Variants in VTI1A observed in about 807,000 individuals in gnomAD.
VTI1A encodes the protein vesicle transport through interaction with t-SNAREs 1A, also known as vesicle transport through interaction with t-SNAREs homolog 1A.
A neutral mutation model predicts 34.9 loss-of-function variants in VTI1A; 22 were observed. The observed-to-expected ratio is 0.63, with a 90% CI of 0.45 to 0.90. The LOEUF (loss-of-function observed/expected upper bound fraction) is 0.90, where lower values mean the gene tolerates loss of function less well. Among genes scored for constraint, VTI1A ranks in the 40% least tolerant of loss-of-function variants. The pLI, the probability that VTI1A is intolerant of heterozygous loss-of-function variation, is 0.00. For missense variants in VTI1A, 268 were observed against 275.6 expected (o/e 0.97, Z 0.20); for synonymous variants, 87 against 97.3 (o/e 0.89, Z 0.62).
At chr10:112,462,241 A>G (rs537398229) in intron 2 of VTI1A, among the ~76,000 whole-genome samples, 2 of 152,310 alleles carry the variant, frequency 1.3e-5, no homozygotes, top group Non-Finnish European at 2.9e-5. Flanking sequence ...TCTGATTTGT[A>G]TTAGTCTCTT....
At chr10:112,460,211 C>T (rs573047214) in intron 1 of VTI1A, among the ~76,000 whole-genome samples, 11 of 152,112 alleles carry the variant, frequency 7.2e-5, no homozygotes, top group Non-Finnish European at 1.5e-4. Context: ...TTCCTTAGGC[C>T]AGCACAAATC....
At chr10:112,803,104 T>C (rs1416318556) in intron 7 of VTI1A, among the ~76,000 whole-genome samples, 1 of 152,224 alleles carries the variant, frequency 6.6e-6, no homozygotes, top group Non-Finnish European at 1.5e-5. Context: ...GTTTCGCTCT[T>C]GTTGCCCAGG....
chr10:112,711,371 A>G (rs771123009), intron 7 of VTI1A, among the ~76,000 whole-genome samples: 1 of 152,206 alleles, frequency 6.6e-6, no homozygotes, highest in Non-Finnish European at 1.5e-5. Flanking sequence ...TTCAGGGGCC[A>G]TGTCAGTGTA....
At chr10:112,537,000 A>G in intron 4 of VTI1A, among the ~76,000 whole-genome samples, 1 of 152,026 alleles carries the variant, frequency 6.6e-6, no homozygotes. Context: ...GCATGTCAAT[A>G]CAGCTTGCAT....
intron 7 of VTI1A, among the ~76,000 whole-genome samples, chr10:112,786,246 A>C (rs1852283527): frequency 1.3e-5 from 2 of 152,126 alleles, no homozygotes; most frequent in South Asian, 4.1e-4. Flanking sequence ...TCATTTGCAG[A>C]CTATTTGTGG....
intron 5 of VTI1A, among the ~76,000 whole-genome samples, chr10:112,544,698 C>G (rs1851009350): frequency 6.6e-6 from 1 of 151,958 alleles, no homozygotes; most frequent in Non-Finnish European, 1.5e-5. Context: ...AGGGAAGAAC[C>G]CTGTAAACTG....
At position 112,673,468 on chromosome 10, in the gene VTI1A, G is replaced by GCGCGCACACACA. The variant is rs1554938762; in HGVS notation, c.560+4471_560+4472insGCGCACACACAC. Among the ~76,000 whole-genome samples the GCGCGCACACACA allele has an allele frequency of 4.8e-3, 721 of 151,660 alleles. 5 individuals are homozygous for GCGCGCACACACA. The highest frequency in any genetic ancestry group is 0.015 in the African/African-American group (633 of 41,436). On this transcript the variant is annotated intron_variant, in intron 7 of 7. Transcript: ENST00000393077. Reference sequence around the variant, plus strand: ...TTCACACACATGCGCGCGTGCGCGCGCACACACACACACACGCACTCAGAT... The same window carrying GCGCGCACACACA: ...TTCACACACATGCGCGCGTGCGCGCGCGCGCACACACACACACACACACACACGCACTCAGAT...
rs1238793497 is a variant in VTI1A, at chr10:112,447,222, C to CAGGA, written c.-149_-146dup. 2.9e-6 allele frequency: 2 copies of CAGGA among 695,556 alleles called. No homozygotes were observed. Among genetic ancestry groups the CAGGA allele is most frequent in the African/African-American group, 1.8e-5 (1 of 56,166 alleles). The allele number at this position is 695,556 out of a possible 1,614,324, so 43.1% of individuals were successfully genotyped here. On this transcript the variant is annotated 5_prime_UTR_variant, in exon 1 of 8. Transcript: ENST00000393077. The stretch of plus-strand genomic sequence containing the variant: ...GAGAACCGAGATTGCGACGAACAAC[C>CAGGA]AGGAAGCGGCTGGGTTGAGAGCTGT...
At chr10:112,828,566 C>T in the VTI1A span, among the ~76,000 whole-genome samples, 7 of 151,932 alleles carry the variant, frequency 4.6e-5, no homozygotes, top group East Asian at 2.0e-4. Context: ...CCACCACGCC[C>T]GGCTAATTTT....
chr10:112,835,082 G>A, the VTI1A span, among the ~76,000 whole-genome samples: 1 of 152,114 alleles, frequency 6.6e-6, no homozygotes, highest in Non-Finnish European at 1.5e-5. Context: ...TAGACACAGG[G>A]CCCGTGCGCT....
intron 3 of VTI1A, among the ~76,000 whole-genome samples, chr10:112,494,909 A>T (rs1276071574): frequency 6.6e-6 from 1 of 152,196 alleles, no homozygotes; most frequent in East Asian, 1.9e-4. Context: ...GACATTTTCT[A>T]TATTATTACC....
At chr10:112,705,262 C>G (rs887690924) in intron 7 of VTI1A, among the ~76,000 whole-genome samples, 1 of 151,980 alleles carries the variant, frequency 6.6e-6, no homozygotes, top group Admixed American at 6.6e-5. Flanking sequence ...GAATCAGTAG[C>G]TAACTTAAGC....
At chr10:112,637,801 A>G (rs932022636) in intron 5 of VTI1A, among the ~76,000 whole-genome samples, 1 of 152,260 alleles carries the variant, frequency 6.6e-6, no homozygotes, top group Non-Finnish European at 1.5e-5. Flanking sequence ...AAAGATAGAC[A>G]ATATGATTGA....
At chr10:112,612,647 C>T (rs1215287879) in intron 5 of VTI1A, among the ~76,000 whole-genome samples, 7 of 152,148 alleles carry the variant, frequency 4.6e-5, no homozygotes, top group African/African-American at 1.7e-4. Context: ...TGGTCTAGAA[C>T]TCCCAGCCTG....
At chr10:112,669,488 C>G (rs1297878086) in intron 7 of VTI1A, among the ~76,000 whole-genome samples, 1 of 152,112 alleles carries the variant, frequency 6.6e-6, no homozygotes, top group East Asian at 1.9e-4. Context: ...TCAAGATTAT[C>G]TGAATAATAT....
chr10:112,542,156 A>G (rs1050855475), intron 5 of VTI1A, among the ~76,000 whole-genome samples: 1 of 152,222 alleles, frequency 6.6e-6, no homozygotes, highest in Non-Finnish European at 1.5e-5. Context: ...TCCCAGAATT[A>G]CAATAGGCAC....
At chr10:112,720,069 T>C (rs1013627788) in intron 7 of VTI1A, among the ~76,000 whole-genome samples, 1 of 152,262 alleles carries the variant, frequency 6.6e-6, no homozygotes, top group South Asian at 2.1e-4. Context: ...ACAAATAATA[T>C]TCCATTGTAT....
At chr10:112,642,917 G>A (rs998900161) in intron 5 of VTI1A, among the ~76,000 whole-genome samples, 2 of 150,112 alleles carry the variant, frequency 1.3e-5, no homozygotes, top group African/African-American at 4.9e-5. Context: ...CACTAGAACT[G>A]TATTTAAATG....
At chr10:112,777,553 A>G (rs1229079183) in intron 7 of VTI1A, among the ~76,000 whole-genome samples, 1 of 152,240 alleles carries the variant, frequency 6.6e-6, no homozygotes, top group Non-Finnish European at 1.5e-5. Flanking sequence ...TTCGCCAAAA[A>G]GGATTTTATT....
Sources: gnomAD v4.1 joint callset for allele counts (sites outside exome capture counted in the v4.1 genomes callset) on GRCh38, gnomAD v4.1.1 for gene constraint, MANE v1.5 for transcripts, NCBI Gene and HGNC (gene_info 2026-07-23, HGNC 2026-07-21) for gene names.